The following OPA1 variants were observed in gnomAD, a reference collection of about 807,000 sequenced individuals.
OPA1 encodes OPA1 mitochondrial dynamin like GTPase, also known as dynamin-like GTPase OPA1, mitochondrial.
Under a neutral mutation model 152.9 loss-of-function variants are expected in OPA1, and 59 were observed. That is an observed-to-expected ratio of 0.39 (90% CI 0.31 to 0.48). OPA1 has a LOEUF of 0.48. Ranked by LOEUF, OPA1 falls within the 20% of genes least tolerant of loss-of-function variation. The pLI is 0.96. For synonymous variants in OPA1, 400 were observed against 389.9 expected (o/e 1.03, Z -0.31); for missense variants, 1,008 against 1,216.8 (o/e 0.83, Z 2.55).
At chr3:193,599,285 C>T (rs555747089) in intron 1 of OPA1, among the ~76,000 whole-genome samples, 29 of 152,292 alleles carry the variant, frequency 1.9e-4, no homozygotes, top group Non-Finnish European at 3.1e-4. Context: ...TTCAGTGACT[C>T]TTCAATTGGA....
chr3:193,604,851 A>T, intron 1 of OPA1, among the ~76,000 whole-genome samples: 1 of 132,624 alleles, frequency 7.5e-6, no homozygotes. Context: ...CAAGAGTGAA[A>T]CTCCATCTCA....
chr3:193,595,958 A>G (rs1012147767), intron 1 of OPA1, among the ~76,000 whole-genome samples: 4 of 152,064 alleles, frequency 2.6e-5, no homozygotes, highest in African/African-American at 9.7e-5. Flanking sequence ...ACACTTTTTT[A>G]TTTTTAAATT....
chr3:193,606,470 A>G (rs1207701329), intron 1 of OPA1, among the ~76,000 whole-genome samples: 3 of 145,568 alleles, frequency 2.1e-5, no homozygotes, highest in African/African-American at 7.7e-5. Flanking sequence ...CCTGTGTCCA[A>G]GTGTTCTCAC....
At chr3:193,665,678 A>G (rs1716363723) in intron 27 of OPA1, among the ~76,000 whole-genome samples, 1 of 152,170 alleles carries the variant, frequency 6.6e-6, no homozygotes, top group Non-Finnish European at 1.5e-5. Flanking sequence ...TGAGACTTCT[A>G]ACATGCTGTT....
chr3:193,631,322 G>C (rs566905489), intron 7 of OPA1, among the ~76,000 whole-genome samples: 1 of 152,210 alleles, frequency 6.6e-6, no homozygotes, highest in South Asian at 2.1e-4. Flanking sequence ...CATATGTGTT[G>C]ATCTCTTGTT....
Position 193,615,381 on chromosome 3 carries a change from C to G in OPA1, c.352-293C>G, listed in dbSNP as rs560095515. Among the ~76,000 whole-genome samples, 3 of 152,176 alleles carry G rather than the reference C, an allele frequency of 2.0e-5. 1 individual carries two copies. Among genetic ancestry groups the G allele is most frequent in the Non-Finnish European group, 4.4e-5 (3 of 68,032 alleles). On this transcript the variant is annotated intron_variant, in intron 2 of 30. Transcript: ENST00000361510. Reference sequence around the variant, plus strand: ...GGCAGGTCTGGGACCAGAGGCAAGGCGTCCTGTCTCCCAGTCTGTCTTCCT... The same window carrying G: ...GGCAGGTCTGGGACCAGAGGCAAGGGGTCCTGTCTCCCAGTCTGTCTTCCT...
intron 23 of OPA1, among the ~76,000 whole-genome samples, chr3:193,658,240 C>G (rs111580579): frequency 0.031 from 3,711 of 120,454 alleles, 50 homozygotes; most frequent in Non-Finnish European, 0.034. Context: ...AGCAAAACTC[C>G]GTTTTCAAAA....
At chr3:193,600,865 G>A (rs534114557) in intron 1 of OPA1, among the ~76,000 whole-genome samples, 4 of 152,134 alleles carry the variant, frequency 2.6e-5, no homozygotes, top group Non-Finnish European at 5.9e-5. Context: ...CCTTTCTCTT[G>A]AGAGATTTCT....
chr3:193,597,782 T>C (rs997636811), intron 1 of OPA1, among the ~76,000 whole-genome samples: 68 of 151,836 alleles, frequency 4.5e-4, no homozygotes, highest in South Asian at 6.2e-4. Flanking sequence ...GTACTTTTTT[T>C]CCCCCTTTTA....
intron 11 of OPA1, among the ~76,000 whole-genome samples, chr3:193,641,902 G>A (rs1733834519): frequency 6.6e-6 from 1 of 152,162 alleles, no homozygotes; most frequent in South Asian, 2.1e-4. Flanking sequence ...ATCACCTGAG[G>A]TCAAGAGTTC....
chr3:193,600,587 A>G (rs1215650255), intron 1 of OPA1, among the ~76,000 whole-genome samples: 1 of 152,190 alleles, frequency 6.6e-6, no homozygotes, highest in Non-Finnish European at 1.5e-5. Flanking sequence ...CAGACAATAT[A>G]AGCAGTTCAG....
At chr3:193,650,257 T>C (rs1434548339) in intron 21 of OPA1, among the ~76,000 whole-genome samples, 3 of 152,174 alleles carry the variant, frequency 2.0e-5, no homozygotes, top group Non-Finnish European at 4.4e-5. Flanking sequence ...AAGGCAACGG[T>C]CAGATCTGGG....
Position 193,615,017 on chromosome 3 carries a change from TG to T in OPA1, c.332del (p.Gly111ValfsTer15). ...GCTATCTCATACTAGGATCGGCTGT[TG>T]GGGGTGGCTACACAGCCAAAAAGGT... ...LRYLILGSAV[G>X]GGYTAKKTFD... On this transcript the variant is annotated frameshift_variant, in exon 2 of 31. Coordinates refer to ENST00000361510, the MANE Select transcript of OPA1 (RefSeq NM_130837.3). LOFTEE classifies it high-confidence loss of function. The T allele has an allele frequency of 1.2e-6, 2 of 1,614,112 alleles. No individual in the cohort carries two copies. Among genetic ancestry groups the T allele is most frequent in the Non-Finnish European group, 1.7e-6 (2 of 1,179,948 alleles).
At chr3:193,628,762 G>A (rs1731586860) in intron 7 of OPA1, 1 of 152,184 alleles carries the variant, frequency 6.6e-6, no homozygotes, top group Admixed American at 6.5e-5. Context: ...TAGAGTGACA[G>A]ATTGAAAATA....
chr3:193,666,188 C>T (rs1220039683), intron 27 of OPA1, 108 bp from the exon 28 acceptor site: 1 of 919,952 alleles, frequency 1.1e-6, no homozygotes. Context: ...AATCTGAGTA[C>T]TTTTTAAGCT....
chr3:193,612,991 A>G (rs1211733364), intron 1 of OPA1, among the ~76,000 whole-genome samples: 1 of 152,214 alleles, frequency 6.6e-6, no homozygotes, highest in Non-Finnish European at 1.5e-5. Context: ...TGGGTACCTC[A>G]CCAGGTCACC....
intron 1 of OPA1, among the ~76,000 whole-genome samples, chr3:193,601,325 AT>A (rs1186274684): frequency 6.6e-6 from 1 of 152,144 alleles, no homozygotes; most frequent in Non-Finnish European, 1.5e-5. Flanking sequence ...GCCTCCAAGT[AT>A]AAGGGCTATC....
chr3:193,618,235 T>C lies in OPA1; in HGVS notation c.610+398T>C, dbSNP rs534130610. Among the ~76,000 whole-genome samples, 3 of 152,272 alleles carry C rather than the reference T, an allele frequency of 2.0e-5. No individual in the cohort carries two copies. In the East Asian group the frequency reaches 5.8e-4, roughly 29 times the overall value. On this transcript the variant is annotated intron_variant, in intron 5 of 30. Transcript: ENST00000361510. Reference sequence around the variant, plus strand: ...GGCTCATGCCTGTAATCCCAGCATTTTGGGAGGCCAAGGCAGGCGGATCAT... The same window carrying C: ...GGCTCATGCCTGTAATCCCAGCATTCTGGGAGGCCAAGGCAGGCGGATCAT...
rs79521842 is a variant in OPA1 at position 193,649,207 on chromosome 3, G to C, written c.2012+336G>C. Among the ~76,000 whole-genome samples the C allele has an allele frequency of 4.4e-3, 665 of 152,246 alleles. 8 individuals are homozygous for C. The highest frequency in any genetic ancestry group is 0.015 in the African/African-American group (617 of 41,552). On this transcript the variant is annotated intron_variant, in intron 21 of 30. Transcript: ENST00000361510. ...CTGTCAAAATTGATTTATAAAGGGA[G>C]TTGGTATATATTTTCAGGTTCTCCA...
Sources: gnomAD v4.1 joint callset for allele counts (sites outside exome capture counted in the v4.1 genomes callset) on GRCh38, gnomAD v4.1.1 for gene constraint, MANE v1.5 for transcripts, NCBI Gene and HGNC (gene_info 2026-07-23, HGNC 2026-07-21) for gene names.